The following DPP9 variants were observed in gnomAD, a reference collection of about 807,000 sequenced individuals.
The protein encoded by DPP9 is dipeptidyl peptidase IV-related protein-2.
Under a neutral mutation model 110.7 loss-of-function variants are expected in DPP9, and 50 were observed. The observed-to-expected ratio is 0.45, with a 90% CI of 0.36 to 0.57. DPP9 has a LOEUF of 0.57. DPP9 is among the 20% of genes least tolerant of loss of function. The pLI is 0.00. For synonymous variants in DPP9, 561 were observed against 514.4 expected (o/e 1.09, Z -1.23); for missense variants, 1,022 against 1,217.9 (o/e 0.84, Z 2.39).
In DPP9 at chr19:4,710,379, T is replaced by C. The variant is rs1286739273; in HGVS notation, c.313+3702A>G. 6.6e-6 allele frequency among the ~76,000 whole-genome samples: 1 copy of C among 152,172 alleles called. No individual in the cohort carries two copies. The highest frequency in any genetic ancestry group is 1.5e-5 in the Non-Finnish European group (1 of 68,030). On this transcript the variant is annotated intron_variant, in intron 4 of 21. Coordinates refer to ENST00000262960, the MANE Select transcript of DPP9 (RefSeq NM_139159.5). The surrounding 1 kb of genome is among the most constrained non-coding windows in gnomAD (Gnocchi z 5.6). ...CTCCTCCAGCCACAGAAGTCACCGT[T>C]TGCAGTGGGGAGAGGCTGATCCGCG...
intron 16 of DPP9, chr19:4,688,309 A>G (rs1394575046): frequency 1.3e-5 from 2 of 159,516 alleles, no homozygotes; most frequent in Non-Finnish European, 2.7e-5. Flanking sequence ...AGTTCTTACT[A>G]TGTTGCTCAG....
At chr19:4,681,818 G>A (rs1353844171) in intron 20 of DPP9, among the ~76,000 whole-genome samples, 2 of 149,312 alleles carry the variant, frequency 1.3e-5, no homozygotes, top group African/African-American at 2.5e-5. Flanking sequence ...CTCCTGCCTT[G>A]GCCTCCCAAA....
chr19:4,684,608 C>T lies in DPP9; in HGVS notation c.2178+55G>A. The T allele has an allele frequency of 6.2e-7, 1 of 1,601,382 alleles. No homozygotes were observed. The highest frequency in any genetic ancestry group is 8.5e-7 in the Non-Finnish European group (1 of 1,173,788). On this transcript the variant is annotated intron_variant, in intron 18 of 21. Coordinates refer to ENST00000262960, the MANE Select transcript of DPP9 (RefSeq NM_139159.5). This position sits in a 1 kb window ranked among gnomAD's most constrained non-coding sequence, Gnocchi z 4.8. Reference sequence around the variant, plus strand: ...TCCCATGCCCTGCACCCACACGGCCCAGGGCTCCCTTCCCGAGACCCAAAG... The same window carrying T: ...TCCCATGCCCTGCACCCACACGGCCTAGGGCTCCCTTCCCGAGACCCAAAG...
intron 3 of DPP9, among the ~76,000 whole-genome samples, chr19:4,716,595 C>T: frequency 6.6e-6 from 1 of 151,798 alleles, no homozygotes; most frequent in African/African-American, 2.4e-5. Context: ...CGAGATCGTG[C>T]CACTGCACTC....
At chr19:4,705,771 G>C in intron 5 of DPP9, 87 bp downstream of exon 5, 1 of 1,297,702 alleles carries the variant, frequency 7.7e-7, no homozygotes. Flanking sequence ...GGGGCAGAGA[G>C]GTGACCGAAG....
chr19:4,710,846 G>T lies in DPP9; in HGVS notation c.313+3235C>A, dbSNP rs1185591433. Among the ~76,000 whole-genome samples the T allele has an allele frequency of 6.6e-6, 1 of 152,140 alleles. No homozygotes were observed. Among genetic ancestry groups the T allele is most frequent in the Non-Finnish European group, 1.5e-5 (1 of 68,012 alleles). ...CCCCGAAAGGGGCAGTCTGGTTTTT[G>T]AGCTACTCTAGGTACGTTCTGGGGT... On this transcript the variant is annotated intron_variant, in intron 4 of 21. Transcript: ENST00000262960. This position sits in a 1 kb window ranked among gnomAD's most constrained non-coding sequence, Gnocchi z 5.6.
In DPP9 at chr19:4,694,478, T is replaced by C; in HGVS notation, c.1516+183A>G. The stretch of plus-strand genomic sequence containing the variant: ...ATCTGCTGCCTGAATAAGCCAACAG[T>C]TGGGTGCTCTAAGCCCTGCCAGATC... On this transcript the variant is annotated intron_variant, in intron 13 of 21. Coordinates refer to ENST00000262960, the MANE Select transcript of DPP9 (RefSeq NM_139159.5). This position sits in a 1 kb window ranked among gnomAD's most constrained non-coding sequence, Gnocchi z 4.0. The C allele has an allele frequency of 1.4e-6, 1 of 729,450 alleles. No individual in the cohort carries two copies. The highest frequency in any genetic ancestry group is 2.2e-6 in the Non-Finnish European group (1 of 455,736). 45.2% of individuals were successfully genotyped at this position (729,450 alleles called of 1,614,324 possible).
rs767417492 is a variant in DPP9, at chr19:4,691,455, GACA to G, written c.1517-501_1517-499del. Among the ~76,000 whole-genome samples the G allele has an allele frequency of 9.8e-4, 146 of 148,494 alleles. 1 individual carries two copies. Among genetic ancestry groups the G allele is most frequent in the Non-Finnish European group, 1.8e-3 (121 of 67,468 alleles). On this transcript the variant is annotated intron_variant, in intron 13 of 21. Transcript: ENST00000262960. ...ACACCACTGCCACTCCAGCCTGGGC[GACA>G]ACAAGAACCCGTCTCAAAAAAAAAA...
intron 3 of DPP9, among the ~76,000 whole-genome samples, chr19:4,716,819 G>A (rs989525620): frequency 2.0e-5 from 3 of 152,210 alleles, no homozygotes; most frequent in East Asian, 3.9e-4. Flanking sequence ...GAGGCAGCCC[G>A]GCCCCCGGCC....
At chr19:4,688,088 G>A (rs1471041421) in intron 16 of DPP9, among the ~76,000 whole-genome samples, 1 of 152,130 alleles carries the variant, frequency 6.6e-6, no homozygotes, top group African/African-American at 2.4e-5. Context: ...GAGCCACCGC[G>A]CCTGGCCCAA....
rs114547708 is a variant in DPP9 at position 4,677,342 on chromosome 19, C to A, written c.2587-686G>T. ...ACTGCCCCCTAGGGGTTGGTAGGACCAAGGCATGAAAATAACCCTACGTTC... is the reference window on the plus strand; with the variant it reads ...ACTGCCCCCTAGGGGTTGGTAGGACAAAGGCATGAAAATAACCCTACGTTC... On this transcript the variant is annotated intron_variant, in intron 21 of 21. Transcript: ENST00000262960. 4.2e-3 allele frequency among the ~76,000 whole-genome samples: 635 copies of A among 152,236 alleles called. 9 individuals are homozygous for A. The highest frequency in any genetic ancestry group is 0.011 in the African/African-American group (460 of 41,528).
chr19:4,690,339 G>A (rs536771415), intron 14 of DPP9, among the ~76,000 whole-genome samples: 2 of 152,378 alleles, frequency 1.3e-5, no homozygotes, highest in African/African-American at 4.8e-5. Context: ...AGGCCTCAGA[G>A]CCCCGAGGGA....
chr19:4,687,349 T>A lies in DPP9; in HGVS notation c.1885+1408A>T, dbSNP rs148393836. 8.8e-4 allele frequency among the ~76,000 whole-genome samples: 134 copies of A among 152,362 alleles called. No individual in the cohort carries two copies. The highest frequency in any genetic ancestry group is 2.9e-3 in the African/African-American group (121 of 41,602). Reference sequence around the variant, plus strand: ...GGTGGGTTGTCCTTGTACTGAGTGATGCCTGGGAGCCCAGCAGTGTGCTGA... The same window carrying A: ...GGTGGGTTGTCCTTGTACTGAGTGAAGCCTGGGAGCCCAGCAGTGTGCTGA... On this transcript the variant is annotated intron_variant, in intron 16 of 21. Transcript: ENST00000262960. The surrounding 1 kb of genome is among the most constrained non-coding windows in gnomAD (Gnocchi z 4.7).
chr19:4,703,411 G>A lies in DPP9; in HGVS notation c.769+475C>T, dbSNP rs145245091. On this transcript the variant is annotated intron_variant, in intron 7 of 21. Coordinates refer to ENST00000262960, the MANE Select transcript of DPP9 (RefSeq NM_139159.5). ...AGGCCGAGGCAGGTAGATCATTTGA[G>A]GTCAGGAGCTCAAGAGCAGCCTGGC... Among the ~76,000 whole-genome samples the A allele has an allele frequency of 9.9e-5, 15 of 151,684 alleles. No individual in the cohort carries two copies. In the East Asian group the frequency reaches 2.9e-3, roughly 29 times the overall value.
chr19:4,714,322 G>T lies in DPP9; in HGVS notation c.72C>A (p.Ser24=). 6.6e-7 allele frequency: 1 copy of T among 1,506,598 alleles called. No homozygotes were observed. The allele number at this position is 1,506,598 out of a possible 1,614,324, so 93.3% of individuals were successfully genotyped here. The change falls in exon 4 of 22, where the codon TCC becomes TCA. Residue 24 remains serine (S), a synonymous_variant. Transcript: ENST00000262960. The part of the protein sequence containing the change: ...TGSWRSFSLN[S]EGAERMATTG... ...TGGTGGCCATCCTCTCAGCCCCCTC[G>T]GAATTCAGCGAGAAGCTGCGGGGAG... is the stretch of plus-strand genomic sequence containing the variant.
chr19:4,683,109 C>A (rs1408983815), intron 19 of DPP9: 1 of 1,479,980 alleles, frequency 6.8e-7, no homozygotes. Context: ...GCCTCCTCCT[C>A]CTCCTCATCG....
chr19:4,695,217 C>A lies in DPP9; in HGVS notation c.1353+161G>T. The A allele has an allele frequency of 1.4e-6, 1 of 738,914 alleles. No homozygotes were observed. The highest frequency in any genetic ancestry group is 2.0e-5 in the South Asian group (1 of 51,062). The allele number at this position is 738,914 out of a possible 1,614,324, so 45.8% of individuals were successfully genotyped here. ...GCCAGACTCACCAACCCCCCTAGAC[C>A]CTCTTCCCTGCCAGCCAGGGATGGC... On this transcript the variant is annotated intron_variant, in intron 12 of 21. Coordinates refer to ENST00000262960, the MANE Select transcript of DPP9 (RefSeq NM_139159.5). The surrounding 1 kb of genome is among the most constrained non-coding windows in gnomAD (Gnocchi z 4.7).
intron 13 of DPP9, among the ~76,000 whole-genome samples, chr19:4,692,895 C>T (rs2091453044): frequency 6.6e-6 from 1 of 152,162 alleles, no homozygotes; most frequent in African/African-American, 2.4e-5. Context: ...CCAGGAGGAC[C>T]CCGATGCTGG....
intron 4 of DPP9, among the ~76,000 whole-genome samples, chr19:4,707,701 C>A (rs1021059703): frequency 6.9e-6 from 1 of 145,254 alleles, no homozygotes; most frequent in Non-Finnish European, 1.5e-5. Flanking sequence ...TGTTGGCTCA[C>A]TGCAGCCTCT....
Sources: allele counts gnomAD v4.1 joint callset (sites outside exome capture counted in the v4.1 genomes callset), GRCh38; gene constraint gnomAD v4.1.1; non-coding constraint Gnocchi (gnomAD v3.1); transcripts MANE v1.5; gene names NCBI Gene and HGNC (gene_info 2026-07-23, HGNC 2026-07-21).